The following PPP1R13B variants were observed in gnomAD, a reference collection of about 807,000 sequenced individuals.
The protein encoded by PPP1R13B is apoptosis-stimulating of p53 protein 1.
A neutral mutation model predicts 119.8 loss-of-function variants in PPP1R13B; 44 were observed. The observed-to-expected ratio is 0.37, with a 90% CI of 0.29 to 0.47. The LOEUF is 0.47. Ranked by LOEUF, PPP1R13B falls within the 20% of genes least tolerant of loss-of-function variation. The pLI, the probability that PPP1R13B is intolerant of heterozygous loss-of-function variation, is 0.99. For missense variants in PPP1R13B, 1,227 were observed against 1,413.5 expected (o/e 0.87, Z 2.12); for synonymous variants, 542 against 561.5 (o/e 0.97, Z 0.49).
intron 8 of PPP1R13B, among the ~76,000 whole-genome samples, chr14:103,749,217 C>T (rs1285287065): frequency 6.6e-6 from 1 of 152,050 alleles, no homozygotes; most frequent in African/African-American, 2.4e-5. Flanking sequence ...AGTATTTATT[C>T]AATGAGTATT....
chr14:103,776,617 A>G (rs1470333194), intron 4 of PPP1R13B, among the ~76,000 whole-genome samples: 1 of 152,198 alleles, frequency 6.6e-6, no homozygotes, highest in Non-Finnish European at 1.5e-5. Flanking sequence ...TCACGCCTGT[A>G]ATCCCAGAAC....
At position 103,822,682 on chromosome 14, in the gene PPP1R13B, G is replaced by A. The variant is rs148744023; in HGVS notation, c.9+24617C>T. On this transcript the variant is annotated intron_variant, in intron 1 of 16. Transcript: ENST00000202556. ...CAAAAAATTAACCAGGTGTGGTGGC[G>A]CACGCCTGTAATCCCAGCTACTGGG... is the stretch of plus-strand genomic sequence containing the variant. Among the ~76,000 whole-genome samples, 911 of 151,782 alleles carry A rather than the reference G, an allele frequency of 6.0e-3. 11 individuals are homozygous for A. Among genetic ancestry groups the A allele is most frequent in the African/African-American group, 0.021 (854 of 41,410 alleles).
At chr14:103,839,416 T>C (rs950972313) in intron 1 of PPP1R13B, among the ~76,000 whole-genome samples, 1 of 151,886 alleles carries the variant, frequency 6.6e-6, no homozygotes, top group African/African-American at 2.4e-5. Flanking sequence ...TCACCTGACG[T>C]TGGGAGTTTG....
At chr14:103,816,883 T>C (rs975985583) in intron 1 of PPP1R13B, among the ~76,000 whole-genome samples, 1 of 152,178 alleles carries the variant, frequency 6.6e-6, no homozygotes, top group Non-Finnish European at 1.5e-5. Flanking sequence ...TATAGCTTAG[T>C]AAATACTATT....
intron 4 of PPP1R13B, among the ~76,000 whole-genome samples, chr14:103,768,146 A>C: frequency 7.0e-6 from 1 of 143,350 alleles, no homozygotes; most frequent in South Asian, 2.2e-4. Context: ...ATGGAGTCTC[A>C]CTCTGTCACC....
intron 1 of PPP1R13B, chr14:103,804,022 T>C: frequency 1.0e-6 from 1 of 976,102 alleles, no homozygotes; most frequent in Non-Finnish European, 1.2e-6. Flanking sequence ...CTACATCCTC[T>C]ACTGGAACAG....
At chr14:103,804,477 C>T (rs1294981205) in intron 1 of PPP1R13B, among the ~76,000 whole-genome samples, 3 of 152,044 alleles carry the variant, frequency 2.0e-5, no homozygotes, top group African/African-American at 7.3e-5. Flanking sequence ...AATCTCAACA[C>T]TGAGGGAGGC....
At chr14:103,846,426 T>TA in intron 1 of PPP1R13B, among the ~76,000 whole-genome samples, 1 of 152,164 alleles carries the variant, frequency 6.6e-6, no homozygotes, top group East Asian at 1.9e-4. Context: ...TATTGTAGGT[T>TA]AAAAAAATGA....
chr14:103,745,550 C>T lies in PPP1R13B; in HGVS notation c.1150+823G>A, dbSNP rs529665877. ...AACAGACTCTCCATGAACAGCTTGC[C>T]CTCTGCTTGGCAGGGGCACCACCCA... is the stretch of plus-strand genomic sequence containing the variant. On this transcript the variant is annotated intron_variant, in intron 9 of 16. Transcript: ENST00000202556. Among the ~76,000 whole-genome samples, 9 of 152,344 alleles carry T rather than the reference C, an allele frequency of 5.9e-5. No homozygotes were observed. The East Asian group carries it at 1.7e-3, about 29-fold the overall frequency.
At chr14:103,822,551 C>T (rs374708496) in intron 1 of PPP1R13B, among the ~76,000 whole-genome samples, 20 of 152,324 alleles carry the variant, frequency 1.3e-4, no homozygotes, top group African/African-American at 4.6e-4. Flanking sequence ...CGGTGGCTCA[C>T]GCCTGTAATC....
Position 103,757,767 on chromosome 14 carries a change from T to A in PPP1R13B, c.355-16A>T, listed in dbSNP as rs550961010. 50 of 1,603,002 alleles carry A rather than the reference T, an allele frequency of 3.1e-5. No individual in the cohort carries two copies. The highest frequency in any genetic ancestry group is 4.2e-5 in the Non-Finnish European group (49 of 1,170,456). On this transcript the variant is annotated splice_polypyrimidine_tract_variant and intron_variant, in intron 4 of 16. Transcript: ENST00000202556. ...GATTCCCAACCTAAACAAAAAGCAC[T>A]TATTTTGGAACATAAGTTTATCTGC...
chr14:103,842,175 G>T (rs2086923938), intron 1 of PPP1R13B, among the ~76,000 whole-genome samples: 1 of 152,010 alleles, frequency 6.6e-6, no homozygotes, highest in Non-Finnish European at 1.5e-5. Context: ...TCCCTACCCT[G>T]CAGTAAACAT....
At chr14:103,823,176 A>G (rs2086452310) in intron 1 of PPP1R13B, among the ~76,000 whole-genome samples, 1 of 151,892 alleles carries the variant, frequency 6.6e-6, no homozygotes, top group Non-Finnish European at 1.5e-5. Context: ...GTCTCTACTA[A>G]AAATACAAAA....
At chr14:103,782,158 T>A (rs147964181) in intron 3 of PPP1R13B, among the ~76,000 whole-genome samples, 1 of 152,288 alleles carries the variant, frequency 6.6e-6, no homozygotes, top group East Asian at 1.9e-4. Flanking sequence ...TGCGTAGATA[T>A]CTTTCCAAAA....
chr14:103,793,392 T>C (rs1347605711), intron 2 of PPP1R13B, among the ~76,000 whole-genome samples: 6 of 151,958 alleles, frequency 3.9e-5, no homozygotes, highest in African/African-American at 1.4e-4. Flanking sequence ...AAACTGATGG[T>C]TTTAGAAGGG....
chr14:103,802,439 T>G (rs1169357282), intron 1 of PPP1R13B, among the ~76,000 whole-genome samples: 1 of 152,234 alleles, frequency 6.6e-6, no homozygotes, highest in Non-Finnish European at 1.5e-5. Context: ...TACAGTTCAC[T>G]AGCAACAAGC....
chr14:103,742,524 T>C lies in PPP1R13B; in HGVS notation c.1320+130A>G, dbSNP rs534922442. The C allele has an allele frequency of 5.2e-6, 7 of 1,354,848 alleles. 1 individual carries two copies. Among genetic ancestry groups the C allele is most frequent in the African/African-American group, 4.4e-5 (3 of 68,788 alleles). 83.9% of individuals were successfully genotyped at this position (1,354,848 alleles called of 1,614,324 possible). A position where few individuals can be genotyped will look rare whatever the true frequency, so the allele number is the denominator to read the frequency against. On this transcript the variant is annotated intron_variant, in intron 10 of 16. Transcript: ENST00000202556. The surrounding 1 kb of genome is among the most constrained non-coding windows in gnomAD (Gnocchi z 4.9). ...AGGGCCCAGTAACCCTCTAGGACTTTGGGTGTTGTCTGGACAATAACAGGA... is the reference window on the plus strand; with the variant it reads ...AGGGCCCAGTAACCCTCTAGGACTTCGGGTGTTGTCTGGACAATAACAGGA...
intron 1 of PPP1R13B, among the ~76,000 whole-genome samples, chr14:103,838,645 A>C (rs1370934872): frequency 6.6e-6 from 1 of 152,216 alleles, no homozygotes; most frequent in Non-Finnish European, 1.5e-5. Context: ...AGCACCTCTG[A>C]TGGTGGAGTT....
At chr14:103,805,997 T>G (rs1446684700) in intron 1 of PPP1R13B, among the ~76,000 whole-genome samples, 1 of 152,222 alleles carries the variant, frequency 6.6e-6, no homozygotes, top group African/African-American at 2.4e-5. Flanking sequence ...AATGTTCACT[T>G]AAAATAGGTA....
Sources: allele counts gnomAD v4.1 joint callset (sites outside exome capture counted in the v4.1 genomes callset), GRCh38; gene constraint gnomAD v4.1.1; non-coding constraint Gnocchi (gnomAD v3.1); transcripts MANE v1.5; gene names NCBI Gene and HGNC (gene_info 2026-07-23, HGNC 2026-07-21).